GLI2: variants seen among roughly 807,000 people sequenced by gnomAD.
GLI2 encodes the protein transcription activator GLI2.
Under a neutral mutation model 78.9 loss-of-function variants are expected in GLI2, and 22 were observed. That is an observed-to-expected ratio of 0.28 (90% CI 0.20 to 0.40). GLI2 has a LOEUF of 0.40. Ranked by LOEUF, GLI2 falls within the 10% of genes least tolerant of loss-of-function variation. The probability of loss-of-function intolerance (pLI) is 1.00; values close to 1 mark genes in which losing one functional copy is unlikely to be tolerated. For missense variants in GLI2, 2,097 were observed against 2,213.2 expected, an observed-to-expected ratio of 0.95 and a Z score of 1.05; for synonymous variants, 974 against 963.7, an observed-to-expected ratio of 1.01 and a Z score of -0.20.
At chr2:120,896,751 G>A (rs1048807871) in intron 2 of GLI2, among the ~76,000 whole-genome samples, 2 of 144,644 alleles carry the variant, frequency 1.4e-5, no homozygotes, top group Non-Finnish European at 3.0e-5. Context: ...TTCTTCGGAG[G>A]CCTTGGCCCT....
At chr2:120,787,703 GC>G (rs1472076076) in intron 1 of GLI2, among the ~76,000 whole-genome samples, 2 of 152,220 alleles carry the variant, frequency 1.3e-5, no homozygotes, top group Non-Finnish European at 2.9e-5. Flanking sequence ...CACACAGTGG[GC>G]CCCTTGTTCC....
intron 1 of GLI2, 21 bp from the exon 2 acceptor site, chr2:120,797,258 AGTGTTGGTGAGT>A: frequency 6.4e-7 from 1 of 1,564,472 alleles, no homozygotes; most frequent in Non-Finnish European, 8.8e-7. Flanking sequence ...GTTTGGGCTC[AGTGTTGGTGAGT>A]GTCTTTGTCT....
chr2:120,874,399 G>A (rs1391885526), intron 2 of GLI2, among the ~76,000 whole-genome samples: 1 of 152,218 alleles, frequency 6.6e-6, no homozygotes, highest in African/African-American at 2.4e-5. Flanking sequence ...TGAGGGTTTG[G>A]AGAAACACTG....
intron 2 of GLI2, among the ~76,000 whole-genome samples, chr2:120,810,297 G>A (rs1028326564): frequency 4.6e-5 from 7 of 152,178 alleles, no homozygotes; most frequent in Non-Finnish European, 1.0e-4. Context: ...AGGTGTGCTG[G>A]GCCGTCTTCT....
chr2:120,847,949 A>C (rs1359670704), intron 2 of GLI2, among the ~76,000 whole-genome samples: 1 of 152,192 alleles, frequency 6.6e-6, no homozygotes, highest in Non-Finnish European at 1.5e-5. Flanking sequence ...CACTGTCCCC[A>C]CATGGTACTT....
At position 120,928,443 on chromosome 2, in the gene GLI2, C is replaced by T. The variant is rs140272177; in HGVS notation, c.254+977C>T. The stretch of plus-strand genomic sequence containing the variant: ...AGCGGGGGCTGCTGCCCTCAATCCA[C>T]AGCATCATCATCTGTTTTTGCACCT... On this transcript the variant is annotated intron_variant, in intron 3 of 13. Coordinates refer to ENST00000361492, the MANE Select transcript of GLI2 (RefSeq NM_001374353.1). 2.3e-3 allele frequency among the ~76,000 whole-genome samples: 358 copies of T among 152,342 alleles called. 2 individuals are homozygous for T. Among genetic ancestry groups the T allele is most frequent in the African/African-American group, 8.5e-3 (353 of 41,586 alleles).
chr2:120,905,762 T>A (rs1435348800), intron 2 of GLI2, among the ~76,000 whole-genome samples: 1 of 152,158 alleles, frequency 6.6e-6, no homozygotes, highest in Admixed American at 6.5e-5. Flanking sequence ...TTCTTGTTAT[T>A]CCATCAGGAC....
rs145230919 is a variant in GLI2, at chr2:120,774,229, G to C, written c.-30-23062G>C. 5.6e-4 allele frequency among the ~76,000 whole-genome samples: 85 copies of C among 152,242 alleles called. No individual in the cohort carries two copies. The East Asian group carries it at 0.016, about 28-fold the overall frequency. On this transcript the variant is annotated intron_variant, in intron 1 of 13. Coordinates refer to ENST00000361492, the MANE Select transcript of GLI2 (RefSeq NM_001374353.1). ...TGAAAGATGCTCTGCTGAGAAATCT[G>C]GCAGCTTTGGGTGCATTTGAGGTAA...
chr2:120,951,253 C>T lies in GLI2; in HGVS notation c.265C>T (p.Leu89Phe). ...CCATTGTCTCTGCAGGCCCCCTGCC[C>T]TCAGCGGCAGCCCTGTCATCTCTGA... ...SVHGVHGPPA[L>F]SGSPVISDIS... Residue 89 changes from leucine (L) to phenylalanine (F), a missense_variant, in exon 4 of 14, where the codon CTC becomes TTC. This residue lies in a region of GLI2 where 578 missense variants were observed against 612.0 expected (regional missense o/e 0.94). Transcript: ENST00000361492. 6.2e-7 allele frequency: 1 copy of T among 1,606,998 alleles called. No homozygotes were observed. The highest frequency in any genetic ancestry group is 8.5e-7 in the Non-Finnish European group (1 of 1,173,676).
At chr2:120,776,678 A>C (rs1332143903) in intron 1 of GLI2, among the ~76,000 whole-genome samples, 1 of 152,166 alleles carries the variant, frequency 6.6e-6, no homozygotes, top group Non-Finnish European at 1.5e-5. Context: ...CTGGTTCTCC[A>C]GTCCAGCCCT....
chr2:120,816,796 A>G (rs939687623), intron 2 of GLI2, among the ~76,000 whole-genome samples: 25 of 152,222 alleles, frequency 1.6e-4, no homozygotes, highest in African/African-American at 5.5e-4. Flanking sequence ...AAGGAAATCC[A>G]GTCTAATACA....
intron 2 of GLI2, among the ~76,000 whole-genome samples, chr2:120,803,249 C>T (rs1200431369): frequency 6.6e-6 from 1 of 152,236 alleles, no homozygotes; most frequent in Non-Finnish European, 1.5e-5. Context: ...AGTCCCAGTT[C>T]TGTTGACCTT....
intron 6 of GLI2, 44 bp from the exon 7 acceptor site, chr2:120,970,349 T>A: frequency 9.6e-7 from 1 of 1,040,402 alleles, no homozygotes. Context: ...CTAAGAGAGC[T>A]CCCGATCCCC....
At chr2:120,770,767 C>T (rs148096798) in intron 1 of GLI2, among the ~76,000 whole-genome samples, 2 of 152,242 alleles carry the variant, frequency 1.3e-5, no homozygotes, top group Non-Finnish European at 2.9e-5. Flanking sequence ...TGCTCAGCAG[C>T]GGGCCAGGTG....
chr2:120,738,051 C>A (rs1190561518), intron 1 of GLI2, among the ~76,000 whole-genome samples: 1 of 152,206 alleles, frequency 6.6e-6, no homozygotes, highest in Non-Finnish European at 1.5e-5. Context: ...GGCCTGGGAA[C>A]GGCTTTGCAG....
chr2:120,975,045 A>G lies in GLI2; in HGVS notation c.1253A>G (p.Tyr418Cys), dbSNP rs759585885. The G allele has an allele frequency of 2.8e-5, 45 of 1,613,972 alleles. No individual in the cohort carries two copies. The highest frequency in any genetic ancestry group is 1.6e-4 in the Middle Eastern group (1 of 6,084). ...DCKQEAEVVI[Y>C]ETNCHWEDCT... Reference sequence around the variant, plus strand: ...AAGCAGGAGGCTGAGGTGGTCATCTATGAGACCAACTGCCACTGGGAAGAC... The same window carrying G: ...AAGCAGGAGGCTGAGGTGGTCATCTGTGAGACCAACTGCCACTGGGAAGAC... The change falls in exon 9 of 14, where the codon TAT becomes TGT. Residue 418 changes from tyrosine (Y) to cysteine (C), a missense_variant. Around this residue, in one of 5 missense-constraint regions of GLI2, gnomAD observed 578 missense variants for 612.0 expected, o/e 0.94. Coordinates refer to ENST00000361492, the MANE Select transcript of GLI2 (RefSeq NM_001374353.1).
At chr2:120,906,059 G>GCCA (rs1237391329) in intron 2 of GLI2, among the ~76,000 whole-genome samples, 1 of 152,230 alleles carries the variant, frequency 6.6e-6, no homozygotes, top group East Asian at 1.9e-4. Context: ...TGTGGGCACA[G>GCCA]CCACCTGAGC....
intron 2 of GLI2, among the ~76,000 whole-genome samples, chr2:120,852,420 C>G (rs560541238): frequency 6.6e-6 from 1 of 152,340 alleles, no homozygotes; most frequent in East Asian, 1.9e-4. Flanking sequence ...TGCCTACCCC[C>G]ACCAGGGGTG....
At chr2:120,765,790 A>G (rs957435398) in intron 1 of GLI2, among the ~76,000 whole-genome samples, 1 of 152,242 alleles carries the variant, frequency 6.6e-6, no homozygotes, top group African/African-American at 2.4e-5. Flanking sequence ...AGAGCCCATC[A>G]GGCGTCTTTG....
Sources: gnomAD v4.1 joint callset for allele counts (sites outside exome capture counted in the v4.1 genomes callset) on GRCh38, gnomAD v4.1.1 for gene constraint, gnomAD v4.1.1 regional missense constraint, MANE v1.5 for transcripts, NCBI Gene and HGNC (gene_info 2026-07-23, HGNC 2026-07-21) for gene names.